Variants in KLF8 observed in about 807,000 individuals in gnomAD.
The protein encoded by KLF8 is Krueppel-like factor 8.
Under a neutral mutation model 18.2 loss-of-function variants are expected in KLF8, and 10 were observed. The observed-to-expected ratio is 0.55, with a 90% CI of 0.34 to 0.93. The LOEUF is 0.93. Among genes scored for constraint, KLF8 ranks in the 40% least tolerant of loss-of-function variants. The pLI, the probability that KLF8 is intolerant of heterozygous loss-of-function variation, is 0.02. For synonymous variants in KLF8, 109 were observed against 97.3 expected, an observed-to-expected ratio of 1.12 and a Z score of -0.71; for missense variants, 264 against 277.9, an observed-to-expected ratio of 0.95 and a Z score of 0.36.
At chrX:56,166,398 T>C in the KLF8 span, among the ~76,000 whole-genome samples, 3 of 111,799 alleles carry the variant, frequency 2.7e-5, no homozygotes, top group Admixed American at 2.9e-4. Flanking sequence ...TGACCATTGC[T>C]CTTGCACCAT....
the KLF8 span, among the ~76,000 whole-genome samples, chrX:56,083,111 A>G: frequency 9.0e-6 from 1 of 110,999 alleles, no homozygotes; most frequent in Non-Finnish European, 1.9e-5. Flanking sequence ...TCTTTAGGTA[A>G]TTTTTCTGCC....
At chrX:56,164,729 C>CTTTTTTTTTTTTTTTTTTGTTTTTTT in the KLF8 span, among the ~76,000 whole-genome samples, 1 of 51,920 alleles carries the variant, frequency 1.9e-5, no homozygotes, top group Non-Finnish European at 3.3e-5. Flanking sequence ...CTTGTTATCT[C>CTTTTTTTTTTTTTTTTTTGTTTTTTT]TTTTTTTTTT....
the KLF8 span, among the ~76,000 whole-genome samples, chrX:56,135,936 A>C: frequency 9.0e-6 from 1 of 111,619 alleles, no homozygotes; most frequent in Non-Finnish European, 1.9e-5. Context: ...ACAACCTAAC[A>C]TCACACATAG....
chrX:56,161,744 T>C, the KLF8 span, among the ~76,000 whole-genome samples: 3 of 111,951 alleles, frequency 2.7e-5, no homozygotes, highest in Non-Finnish European at 5.6e-5. Context: ...AGTAGTTTGA[T>C]CATCTGAAGC....
At chrX:56,281,214 C>T (rs781555182) in intron 5 of KLF8, among the ~76,000 whole-genome samples, 3 of 110,932 alleles carry the variant, frequency 2.7e-5, no homozygotes, top group Admixed American at 9.6e-5. Flanking sequence ...TAATAAGGAT[C>T]ATCTCATAAT....
chrX:56,085,293 T>G, the KLF8 span, among the ~76,000 whole-genome samples: 1 of 111,602 alleles, frequency 9.0e-6, no homozygotes. Flanking sequence ...TTGGCTTATG[T>G]GATTATGGAG....
At chrX:56,092,777 G>A in the KLF8 span, among the ~76,000 whole-genome samples, 6 of 109,030 alleles carry the variant, frequency 5.5e-5, no homozygotes, top group Non-Finnish European at 1.1e-4. Flanking sequence ...ATATTCAAAG[G>A]GCTCTAATGG....
At chrX:55,956,196 CT>C in the KLF8 span, among the ~76,000 whole-genome samples, 1 of 108,319 alleles carries the variant, frequency 9.2e-6, no homozygotes, top group Admixed American at 1.0e-4. Context: ...ATCTATGTAT[CT>C]ATCTATCTAT....
At chrX:56,184,341 G>A in the KLF8 span, among the ~76,000 whole-genome samples, 8 of 112,372 alleles carry the variant, frequency 7.1e-5, no homozygotes, top group Non-Finnish European at 1.1e-4. Flanking sequence ...CCATTGCCCG[G>A]GCTTGCTTAG....
At chrX:56,052,934 G>A in the KLF8 span, among the ~76,000 whole-genome samples, 1 of 111,534 alleles carries the variant, frequency 9.0e-6, no homozygotes, top group African/African-American at 3.3e-5. Flanking sequence ...GTGGGCGTAG[G>A]ACCCTCCGAG....
chrX:56,182,455 C>T, the KLF8 span, among the ~76,000 whole-genome samples: 190 of 112,320 alleles, frequency 1.7e-3, 1 homozygote, highest in Admixed American at 2.5e-3. Flanking sequence ...CTTCTGAGGC[C>T]CACTTCTGTT....
chrX:56,164,702 C>A, the KLF8 span, among the ~76,000 whole-genome samples: 7 of 53,425 alleles, frequency 1.3e-4, no homozygotes, highest in African/African-American at 4.9e-4. Flanking sequence ...CAGTATATTT[C>A]TTTTTTTTTT....
At chrX:56,083,746 A>G in the KLF8 span, among the ~76,000 whole-genome samples, 4 of 111,226 alleles carry the variant, frequency 3.6e-5, no homozygotes, top group African/African-American at 1.3e-4. Context: ...CTGCTGTCAA[A>G]TCAGTGGTGA....
the KLF8 span, among the ~76,000 whole-genome samples, chrX:56,075,087 T>G: frequency 9.0e-6 from 1 of 110,754 alleles, no homozygotes; most frequent in Non-Finnish European, 1.9e-5. Context: ...GCATTTATAT[T>G]TAGGTCTTCT....
chrX:56,159,904 T>A, the KLF8 span, among the ~76,000 whole-genome samples: 1 of 111,688 alleles, frequency 9.0e-6, no homozygotes, highest in East Asian at 2.8e-4. Flanking sequence ...TCTGCTCTGA[T>A]CTTAGTTATT....
At chrX:56,110,819 ATTAAT>A in the KLF8 span, among the ~76,000 whole-genome samples, 2 of 111,625 alleles carry the variant, frequency 1.8e-5, no homozygotes, top group African/African-American at 6.5e-5. Context: ...TTTTTGTTTC[ATTAAT>A]TTGTCTTTTA....
At chrX:56,201,982 A>G in the KLF8 span, among the ~76,000 whole-genome samples, 1 of 111,403 alleles carries the variant, frequency 9.0e-6, no homozygotes, top group Admixed American at 9.6e-5. Flanking sequence ...CAATATTAAG[A>G]ATTCAGGACT....
the KLF8 span, among the ~76,000 whole-genome samples, chrX:56,177,166 A>G: frequency 9.0e-6 from 1 of 111,557 alleles, no homozygotes; most frequent in African/African-American, 3.3e-5. Context: ...CCTTTGGAGG[A>G]GGAGAGGCGC....
chrX:55,947,909 A>G, the KLF8 span, among the ~76,000 whole-genome samples: 3 of 112,521 alleles, frequency 2.7e-5, no homozygotes, highest in Non-Finnish European at 5.6e-5. Flanking sequence ...TCTCATGAAA[A>G]TACAGTGTAC....
Sources: allele counts gnomAD v4.1 joint callset (sites outside exome capture counted in the v4.1 genomes callset), GRCh38; gene constraint gnomAD v4.1.1; transcripts MANE v1.5; gene names NCBI Gene and HGNC (gene_info 2026-07-23, HGNC 2026-07-21).